The following RASA3 variants were observed in gnomAD, a reference collection of about 807,000 sequenced individuals.
RASA3 encodes ras GTPase-activating protein 3.
Under a neutral mutation model 110.0 loss-of-function variants are expected in RASA3, and 73 were observed. The ratio of observed to expected loss-of-function variants is 0.66; its 90% confidence interval spans 0.55 to 0.81. RASA3 has a LOEUF of 0.81. RASA3 is among the 30% of genes least tolerant of loss of function. The pLI is 0.00. For synonymous variants in RASA3, 500 were observed against 451.4 expected (o/e 1.11, Z -1.37); for missense variants, 976 against 1,113.2 (o/e 0.88, Z 1.75).
At chr13:114,031,880 G>A (rs540852568) in intron 4 of RASA3, among the ~76,000 whole-genome samples, 1 of 152,256 alleles carries the variant, frequency 6.6e-6, no homozygotes, top group East Asian at 1.9e-4. Context: ...AGACGTGGAC[G>A]GCAGAACCGA....
rs550571608 is a variant in RASA3, at chr13:114,060,601, G to A, written c.174-8446C>T. Among the ~76,000 whole-genome samples, 5 of 152,360 alleles carry A rather than the reference G, an allele frequency of 3.3e-5. No homozygotes were observed. In the East Asian group the frequency reaches 5.8e-4, roughly 18 times the overall value. On this transcript the variant is annotated intron_variant, in intron 2 of 23. Coordinates refer to ENST00000334062, the MANE Select transcript of RASA3 (RefSeq NM_007368.4). Reference sequence around the variant, plus strand: ...CAGAGGGGCTCCTGCAGGAGGTGACGGGCCTGCGGGGACGCGAAGGGCCAG... The same window carrying A: ...CAGAGGGGCTCCTGCAGGAGGTGACAGGCCTGCGGGGACGCGAAGGGCCAG...
In RASA3 at chr13:114,013,218, C is replaced by T. The variant is rs1594320303; in HGVS notation, c.1436G>A (p.Ser479Asn). The T allele has an allele frequency of 1.9e-6, 3 of 1,613,298 alleles. No homozygotes were observed. Among genetic ancestry groups the T allele is most frequent in the Non-Finnish European group, 2.5e-6 (3 of 1,179,698 alleles). ...DDPDVRYTAVSSFIFLRFFAP... is the reference protein window; with the variant it reads ...DDPDVRYTAVNSFIFLRFFAP... ...AAAGAACCTCAGGAAGATGAAGCTGCTCACTGCAGTGTACCTGACGTCCGG... is the reference window on the plus strand; with the variant it reads ...AAAGAACCTCAGGAAGATGAAGCTGTTCACTGCAGTGTACCTGACGTCCGG... Residue 479 changes from serine to asparagine, a missense_variant, in exon 15 of 24, where the codon AGC becomes AAC. Ser to Asn is a conservative substitution (Grantham distance 46). Around this residue, in one of 4 missense-constraint regions of RASA3, gnomAD observed 732 missense variants for 779.7 expected, o/e 0.94. Transcript: ENST00000334062.
chr13:114,066,734 C>A (rs2079458280), intron 2 of RASA3, among the ~76,000 whole-genome samples: 1 of 152,248 alleles, frequency 6.6e-6, no homozygotes, highest in Non-Finnish European at 1.5e-5. Flanking sequence ...TGTGAGCCAG[C>A]ATGACACGGA....
chr13:113,981,831 T>C lies in RASA3; in HGVS notation c.2273A>G (p.Asp758Gly), dbSNP rs1424139861. ...QEACGSKSVY[D>G]GPEQEEYSTF... The stretch of plus-strand genomic sequence containing the variant: ...CGAATACTCCTCCTGCTCCGGGCCG[T>C]CATACACAGATTTGCTCCCACAGGC... The change falls in exon 23 of 24, where the codon GAC becomes GGC. Residue 758 changes from aspartate to glycine, a missense_variant. Coordinates refer to ENST00000334062, the MANE Select transcript of RASA3 (RefSeq NM_007368.4). 2 of 1,613,804 alleles carry C rather than the reference T, an allele frequency of 1.2e-6. No homozygotes were observed. Among genetic ancestry groups the C allele is most frequent in the Non-Finnish European group, 1.7e-6 (2 of 1,179,944 alleles).
chr13:113,979,298 G>A lies in RASA3; in HGVS notation c.*49C>T, dbSNP rs11147333. On this transcript the variant is annotated 3_prime_UTR_variant, in exon 24 of 24. Coordinates refer to ENST00000334062, the MANE Select transcript of RASA3 (RefSeq NM_007368.4). ...TTCTCTTCTCCCTCCCAAAGGCTGC[G>A]GCTTTGCATGGGCAGCTTGCTGGCG... The A allele has an allele frequency of 0.17, 249,630 of 1,488,352 alleles. 23,594 individuals are homozygous for A. Among genetic ancestry groups the A allele is most frequent in the Middle Eastern group, 0.2 (1,156 of 5,676 alleles). 92.2% of individuals were successfully genotyped at this position (1,488,352 alleles called of 1,614,324 possible).
chr13:114,098,468 C>T (rs765356967), intron 1 of RASA3, among the ~76,000 whole-genome samples: 38 of 152,148 alleles, frequency 2.5e-4, no homozygotes, highest in Non-Finnish European at 4.0e-4. Context: ...GGGCTGCAGG[C>T]GCCCAGGCCA....
chr13:114,054,696 G>C (rs1459740497), intron 2 of RASA3, among the ~76,000 whole-genome samples: 3 of 152,242 alleles, frequency 2.0e-5, no homozygotes, highest in African/African-American at 7.2e-5. Context: ...TGGAAACACA[G>C]CAGTATCCAT....
chr13:114,048,086 T>C lies in RASA3; in HGVS notation c.277+3966A>G, dbSNP rs372692572. Among the ~76,000 whole-genome samples the C allele has an allele frequency of 8.6e-5, 13 of 151,832 alleles. No individual in the cohort carries two copies. The South Asian group carries it at 1.0e-3, about 12-fold the overall frequency. ...ATCCCAGCACTTTGGGAGGCCGAGG[T>C]GGGCGGATCACGAGGTCAGGAGATA... is the stretch of plus-strand genomic sequence containing the variant. On this transcript the variant is annotated intron_variant, in intron 3 of 23. Coordinates refer to ENST00000334062, the MANE Select transcript of RASA3 (RefSeq NM_007368.4). This position sits in a 1 kb window ranked among gnomAD's most constrained non-coding sequence, Gnocchi z 4.3.
In RASA3 at chr13:114,071,521, C is replaced by T. The variant is rs536433115; in HGVS notation, c.173+2199G>A. On this transcript the variant is annotated intron_variant, in intron 2 of 23. Coordinates refer to ENST00000334062, the MANE Select transcript of RASA3 (RefSeq NM_007368.4). ...CAGAATGGACTTTTATCCAGGGAAG[C>T]TCCAAAGGCACTTCTGAAGGGCTCG... is the stretch of plus-strand genomic sequence containing the variant. Among the ~76,000 whole-genome samples, 8 of 152,312 alleles carry T rather than the reference C, an allele frequency of 5.3e-5. 1 individual carries two copies. Among genetic ancestry groups the T allele is most frequent in the South Asian group, 4.1e-4 (2 of 4,824 alleles).
chr13:113,999,054 G>A (rs972613499), intron 20 of RASA3, among the ~76,000 whole-genome samples: 1 of 38,030 alleles, frequency 2.6e-5, no homozygotes, highest in Non-Finnish European at 4.5e-5. Context: ...ACTGGGGAAC[G>A]AGGCGACATG....
chr13:114,047,337 C>T (rs2079068898), intron 3 of RASA3, among the ~76,000 whole-genome samples: 1 of 152,182 alleles, frequency 6.6e-6, no homozygotes, highest in African/African-American at 2.4e-5. Flanking sequence ...CAATAAAAGC[C>T]ACAGTGAGAC....
intron 1 of RASA3, among the ~76,000 whole-genome samples, chr13:114,076,786 C>T (rs946752778): frequency 1.3e-5 from 2 of 152,112 alleles, no homozygotes; most frequent in Non-Finnish European, 2.9e-5. Flanking sequence ...GACAGGGGCC[C>T]CTCCAGCCTC....
At chr13:114,049,579 G>A (rs775223834) in intron 3 of RASA3, among the ~76,000 whole-genome samples, 1 of 152,184 alleles carries the variant, frequency 6.6e-6, no homozygotes, top group Non-Finnish European at 1.5e-5. Context: ...ATACACCTTC[G>A]AGAACGAATC....
rs1302715035 is a variant in RASA3, at chr13:114,015,191, G to A, written c.1405+18C>T. ...TATGGCAGTTTCTCAGCAACATGAG[G>A]GTGTTCAGGGCACTCACCCTGGAAG... On this transcript the variant is annotated intron_variant, in intron 14 of 23. Transcript: ENST00000334062. 3.7e-6 allele frequency: 6 copies of A among 1,612,494 alleles called. No homozygotes were observed. Among genetic ancestry groups the A allele is most frequent in the South Asian group, 2.2e-5 (2 of 91,084 alleles).
chr13:114,011,272 G>A lies in RASA3; in HGVS notation c.1513-24C>T. ...TCCTGGGGAGGCGGGAGCAAGAAAG[G>A]TCTATGTCAGCATCACAGAAATGCT... is the stretch of plus-strand genomic sequence containing the variant. On this transcript the variant is annotated intron_variant, in intron 15 of 23. Coordinates refer to ENST00000334062, the MANE Select transcript of RASA3 (RefSeq NM_007368.4). The surrounding 1 kb of genome is among the most constrained non-coding windows in gnomAD (Gnocchi z 4.8). The A allele has an allele frequency of 1.3e-6, 2 of 1,582,664 alleles. No homozygotes were observed. Among genetic ancestry groups the A allele is most frequent in the African/African-American group, 2.7e-5 (2 of 74,284 alleles).
At chr13:113,992,737 G>T in intron 21 of RASA3, 149 bp from the exon 22 acceptor site, 1 of 678,830 alleles carries the variant, frequency 1.5e-6, no homozygotes, top group Non-Finnish European at 2.6e-6. Flanking sequence ...GTCCGTCTGT[G>T]CACAGCCGGT....
rs180770888 is a variant in RASA3, at chr13:114,072,425, A to G, written c.173+1295T>C. Among the ~76,000 whole-genome samples the G allele has an allele frequency of 3.7e-4, 56 of 152,310 alleles. No individual in the cohort carries two copies. In the East Asian group the frequency reaches 9.6e-3, roughly 26 times the overall value. The stretch of plus-strand genomic sequence containing the variant: ...GGCTGACTCCTCTCTTCCTCAAATC[A>G]TATCAATAAACACTTTCTAGGCCTC... On this transcript the variant is annotated intron_variant, in intron 2 of 23. Transcript: ENST00000334062.
chr13:114,082,209 A>T (rs903601538), intron 1 of RASA3, among the ~76,000 whole-genome samples: 6 of 152,226 alleles, frequency 3.9e-5, no homozygotes, highest in Middle Eastern at 3.2e-3. Context: ...TCACAGGGGC[A>T]GGCAGGAGGC....
At chr13:114,078,339 G>A (rs1434711184) in intron 1 of RASA3, among the ~76,000 whole-genome samples, 1 of 152,140 alleles carries the variant, frequency 6.6e-6, no homozygotes, top group Non-Finnish European at 1.5e-5. Flanking sequence ...TTTTTCTGGT[G>A]CACAGAGACG....
Sources: gnomAD v4.1 joint callset for allele counts (sites outside exome capture counted in the v4.1 genomes callset) on GRCh38, gnomAD v4.1.1 for gene constraint, gnomAD v4.1.1 regional missense constraint, Gnocchi (gnomAD v3.1) non-coding constraint, MANE v1.5 for transcripts, NCBI Gene and HGNC (gene_info 2026-07-23, HGNC 2026-07-21) for gene names.